The following SLC22A3 variants were observed in gnomAD, a reference collection of about 807,000 sequenced individuals.
SLC22A3 encodes solute carrier family 22 member 3, also known as EMT organic cation transporter 3.
Under a neutral mutation model 59.1 loss-of-function variants are expected in SLC22A3, and 51 were observed. That is an observed-to-expected ratio of 0.86 (90% CI 0.69 to 1.09). The LOEUF (loss-of-function observed/expected upper bound fraction) is 1.09. SLC22A3 is among the 50% of genes least tolerant of loss of function. The pLI is 0.00. For synonymous variants in SLC22A3, 325 were observed against 292.0 expected (o/e 1.11, Z -1.15); for missense variants, 711 against 726.3 (o/e 0.98, Z 0.24).
At chr6:160,351,390 C>G (rs886447443) in intron 1 of SLC22A3, among the ~76,000 whole-genome samples, 1 of 152,226 alleles carries the variant, frequency 6.6e-6, no homozygotes, top group African/African-American at 2.4e-5. Context: ...GCTGGGATTA[C>G]AGGTGTGAGC....
intron 6 of SLC22A3, 27 bp from the exon 7 acceptor site, chr6:160,436,970 C>T: frequency 6.2e-7 from 1 of 1,613,500 alleles, no homozygotes; most frequent in South Asian, 1.1e-5. Flanking sequence ...CTTACTTGTT[C>T]TCTGGTGTCT....
At chr6:160,447,904 C>T in intron 10 of SLC22A3, 86 bp downstream of exon 10, 2 of 1,021,108 alleles carry the variant, frequency 2.0e-6, no homozygotes, top group South Asian at 2.6e-5. Context: ...ATTGAATATC[C>T]ACAGGGAAAA....
intron 2 of SLC22A3, among the ~76,000 whole-genome samples, chr6:160,405,648 A>G (rs1786984500): frequency 1.3e-5 from 2 of 152,298 alleles, no homozygotes; most frequent in East Asian, 3.9e-4. Context: ...AGCTTTCTTC[A>G]TAATTGCCAA....
chr6:160,440,835 A>G (rs1347712508), intron 7 of SLC22A3, among the ~76,000 whole-genome samples: 1 of 152,100 alleles, frequency 6.6e-6, no homozygotes, highest in Non-Finnish European at 1.5e-5. Flanking sequence ...AGTCTTTCAG[A>G]TTAAGGTCAA....
At position 160,447,702 on chromosome 6, in the gene SLC22A3, T is replaced by C. The variant is rs770437916; in HGVS notation, c.1511-17T>C. On this transcript the variant is annotated splice_polypyrimidine_tract_variant and intron_variant, in intron 9 of 10. Transcript: ENST00000275300. ...TGTGTCTTCCTGGAGCGGTAACACC[T>C]TTCCCCTATTCCATAGGTATCCTGG... 3 of 1,609,408 alleles carry C rather than the reference T, an allele frequency of 1.9e-6. No homozygotes were observed. The highest frequency in any genetic ancestry group is 2.6e-6 in the Non-Finnish European group (3 of 1,175,820).
intron 1 of SLC22A3, among the ~76,000 whole-genome samples, chr6:160,385,124 A>G (rs889897980): frequency 1.3e-5 from 2 of 152,338 alleles, no homozygotes; most frequent in South Asian, 2.1e-4. Flanking sequence ...CATTTTGTCA[A>G]TGCAGCAGAC....
At chr6:160,370,075 C>T (rs992465753) in intron 1 of SLC22A3, among the ~76,000 whole-genome samples, 6 of 152,300 alleles carry the variant, frequency 3.9e-5, no homozygotes, top group Middle Eastern at 3.4e-3. Context: ...TGGCTGCAGA[C>T]GTCTTACAAA....
intron 1 of SLC22A3, among the ~76,000 whole-genome samples, chr6:160,374,644 T>C (rs907697760): frequency 1.3e-5 from 2 of 152,194 alleles, no homozygotes; most frequent in African/African-American, 2.4e-5. Context: ...CCAGCGTGTG[T>C]GGAGAGGCCC....
intron 1 of SLC22A3, among the ~76,000 whole-genome samples, chr6:160,396,276 C>T (rs1786466689): frequency 6.6e-6 from 1 of 152,100 alleles, no homozygotes; most frequent in Non-Finnish European, 1.5e-5. Flanking sequence ...AAGAAAGTAA[C>T]TTTCTTAATG....
chr6:160,385,474 A>T (rs1208706130), intron 1 of SLC22A3, among the ~76,000 whole-genome samples: 1 of 152,190 alleles, frequency 6.6e-6, no homozygotes, highest in African/African-American at 2.4e-5. Context: ...ATGGGGCTGA[A>T]CAAGACAGTT....
intron 5 of SLC22A3, among the ~76,000 whole-genome samples, chr6:160,413,709 C>T (rs541279569): frequency 3.3e-5 from 5 of 152,290 alleles, no homozygotes; most frequent in African/African-American, 7.2e-5. Context: ...GGACTGATCC[C>T]TCTTGTGGGA....
chr6:160,428,779 A>G (rs1001629690), intron 5 of SLC22A3, among the ~76,000 whole-genome samples: 5 of 152,246 alleles, frequency 3.3e-5, no homozygotes, highest in African/African-American at 1.2e-4. Flanking sequence ...TAATTTTAAT[A>G]CAAATATTTC....
chr6:160,405,309 C>G (rs1393284283), intron 2 of SLC22A3, among the ~76,000 whole-genome samples: 1 of 152,044 alleles, frequency 6.6e-6, no homozygotes, highest in Non-Finnish European at 1.5e-5. Context: ...AAATGATGCT[C>G]TACGTCATAT....
intron 1 of SLC22A3, among the ~76,000 whole-genome samples, chr6:160,355,765 C>G (rs1256563528): frequency 3.3e-5 from 5 of 150,522 alleles, no homozygotes; most frequent in Non-Finnish European, 5.9e-5. Context: ...GTTAGAGACT[C>G]TGTCTCAAAA....
At chr6:160,372,667 C>G (rs930471242) in intron 1 of SLC22A3, among the ~76,000 whole-genome samples, 2 of 152,044 alleles carry the variant, frequency 1.3e-5, no homozygotes, top group African/African-American at 4.8e-5. Context: ...CATATAGTCT[C>G]ATATTTCTTG....
chr6:160,428,378 C>T (rs1473952957), intron 5 of SLC22A3, among the ~76,000 whole-genome samples: 1 of 152,176 alleles, frequency 6.6e-6, no homozygotes, highest in Non-Finnish European at 1.5e-5. Context: ...GCCACCTGGG[C>T]TGCAGGTGAC....
chr6:160,441,208 C>G (rs1228783287), intron 7 of SLC22A3, among the ~76,000 whole-genome samples: 1 of 152,126 alleles, frequency 6.6e-6, no homozygotes, highest in East Asian at 1.9e-4. Flanking sequence ...GGCTGGGACC[C>G]AGGGAATCTG....
chr6:160,407,275 C>T lies in SLC22A3; in HGVS notation c.688+80C>T, dbSNP rs981540947. 7 of 1,413,614 alleles carry T rather than the reference C, an allele frequency of 5.0e-6. No homozygotes were observed. The African/African-American group carries it at 8.6e-5, about 17-fold the overall frequency. 87.6% of individuals were successfully genotyped at this position (1,413,614 alleles called of 1,614,324 possible). ...CAAATGCTAGTTAATCAACCTTCCT[C>T]TTCCTCATGTGTCCTTTAACAAAGG... On this transcript the variant is annotated intron_variant, in intron 3 of 10. Transcript: ENST00000275300.
chr6:160,393,160 T>C, intron 1 of SLC22A3, among the ~76,000 whole-genome samples: 1 of 152,020 alleles, frequency 6.6e-6, no homozygotes, highest in East Asian at 1.9e-4. Flanking sequence ...TGAGAATTTG[T>C]TCAAGAGGGC....
Sources: gnomAD v4.1 joint callset for allele counts (sites outside exome capture counted in the v4.1 genomes callset) on GRCh38, gnomAD v4.1.1 for gene constraint, MANE v1.5 for transcripts, NCBI Gene and HGNC (gene_info 2026-07-23, HGNC 2026-07-21) for gene names.